MKLN1: variants seen among roughly 807,000 people sequenced by gnomAD.
MKLN1 encodes muskelin 1.
MKLN1 carries 18 observed loss-of-function variants against 99.0 expected under a neutral mutation model. The observed-to-expected ratio is 0.18, with a 90% CI of 0.13 to 0.27. MKLN1 has a LOEUF of 0.27. Ranked by LOEUF, MKLN1 falls within the 10% of genes least tolerant of loss-of-function variation. MKLN1 has a pLI of 1.00. For missense variants in MKLN1, 621 were observed against 875.9 expected, an observed-to-expected ratio of 0.71 and a Z score of 3.67; for synonymous variants, 288 against 293.2, an observed-to-expected ratio of 0.98 and a Z score of 0.18.
intron 1 of MKLN1, among the ~76,000 whole-genome samples, chr7:131,138,222 C>A (rs1159585849): frequency 2.0e-5 from 3 of 152,114 alleles, no homozygotes; most frequent in African/African-American, 7.2e-5. Context: ...TGAGCCACTG[C>A]GCCTGGCCAG....
At chr7:131,368,759 T>G (rs906877224) in intron 1 of MKLN1, among the ~76,000 whole-genome samples, 1 of 152,138 alleles carries the variant, frequency 6.6e-6, no homozygotes, top group African/African-American at 2.4e-5. Flanking sequence ...AGATTGCAAG[T>G]CAGTTTGCTA....
In MKLN1 at chr7:131,263,444, G is replaced by A. The variant is rs566928218; in HGVS notation, c.-179+60470G>A. ...GGAGGCTGAGGTGGGAAGACTGCTCGAGCCTGGGAGATTGAGGCTGCAGTG... is the reference window on the plus strand; with the variant it reads ...GGAGGCTGAGGTGGGAAGACTGCTCAAGCCTGGGAGATTGAGGCTGCAGTG... On this transcript the variant is annotated intron_variant, in intron 3 of 7. Coordinates refer to the MKLN1 transcript ENST00000416992. Among the ~76,000 whole-genome samples, 101 of 151,826 alleles carry A rather than the reference G, an allele frequency of 6.7e-4. 2 individuals are homozygous for A. In the South Asian group the frequency reaches 0.019, roughly 29 times the overall value.
At chr7:131,286,449 TC>T (rs1798133765) in intron 3 of MKLN1, among the ~76,000 whole-genome samples, 1 of 152,140 alleles carries the variant, frequency 6.6e-6, no homozygotes, top group African/African-American at 2.4e-5. Flanking sequence ...TGTTTTTTTT[TC>T]CTCCCCCAAG....
intron 3 of MKLN1, among the ~76,000 whole-genome samples, chr7:131,288,508 T>A (rs543489764): frequency 3.3e-5 from 5 of 152,226 alleles, no homozygotes; most frequent in African/African-American, 1.2e-4. Context: ...GTGATAGAGA[T>A]TCCAAGAAGC....
chr7:131,360,576 T>A (rs1466384907), intron 1 of MKLN1, among the ~76,000 whole-genome samples: 1 of 152,206 alleles, frequency 6.6e-6, no homozygotes, highest in Non-Finnish European at 1.5e-5. Context: ...TCAGAGTATT[T>A]CCTACTCTTC....
intron 3 of MKLN1, among the ~76,000 whole-genome samples, chr7:131,220,284 TTC>T (rs1396651177): frequency 6.6e-6 from 1 of 152,192 alleles, no homozygotes; most frequent in Non-Finnish European, 1.5e-5. Flanking sequence ...CTCAACAGAA[TTC>T]TCTTTCTCCC....
chr7:131,344,593 C>T lies in MKLN1; in HGVS notation c.98+16596C>T, dbSNP rs145811681. On this transcript the variant is annotated intron_variant, in intron 1 of 17. Transcript: ENST00000352689. ...AAAATAGTTTTAAAATACTCAGTTT[C>T]CTAAGCCTTACTGTTCTTGTGTATT... 4.0e-4 allele frequency among the ~76,000 whole-genome samples: 61 copies of T among 152,290 alleles called. No individual in the cohort carries two copies. The East Asian group carries it at 6.2e-3, about 15-fold the overall frequency.
chr7:131,242,821 ACAAT>A, intron 3 of MKLN1: 1 of 663,460 alleles, frequency 1.5e-6, no homozygotes, highest in Non-Finnish European at 2.9e-6. Context: ...GTTTATAACC[ACAAT>A]CAGCTAATGC....
intron 1 of MKLN1, among the ~76,000 whole-genome samples, chr7:131,370,754 G>C (rs753531681): frequency 6.6e-6 from 1 of 152,156 alleles, no homozygotes; most frequent in South Asian, 2.1e-4. Context: ...GGAGATAGCA[G>C]ATTGTCACAG....
At chr7:131,373,708 A>G (rs2116841937) in intron 1 of MKLN1, among the ~76,000 whole-genome samples, 1 of 152,332 alleles carries the variant, frequency 6.6e-6, no homozygotes, top group Admixed American at 6.5e-5. Context: ...TTCTTTACGC[A>G]GTTTTCCCTT....
intron 1 of MKLN1, among the ~76,000 whole-genome samples, chr7:131,355,628 C>CAATATATATATATATATATA (rs780680120): frequency 1.5e-5 from 2 of 136,906 alleles, no homozygotes; most frequent in Non-Finnish European, 3.1e-5. Context: ...TAACTTGATA[C>CAATATATATATATATATATA]TATATATATA....
intron 3 of MKLN1, among the ~76,000 whole-genome samples, chr7:131,228,073 G>T (rs896402490): frequency 6.6e-6 from 1 of 151,296 alleles, no homozygotes; most frequent in Non-Finnish European, 1.5e-5. Context: ...ACAATTTTTT[G>T]TTGTTGTTGA....
intron 3 of MKLN1, among the ~76,000 whole-genome samples, chr7:131,296,010 A>C (rs10270691): frequency 0.089 from 13,601 of 152,270 alleles, 733 homozygotes; most frequent in African/African-American, 0.15. Context: ...AAATTCAATA[A>C]AACTTAGTTT....
At position 131,318,063 on chromosome 7, in the gene MKLN1, T is replaced by TTTG. The variant is rs1298293138; in HGVS notation, c.-178-57360_-178-57359insTGT. ...TTAGACAGATCAACAAGACAGAACA[T>TTTG]TAACAAAGATATTCAGGACTTGTAC... On this transcript the variant is annotated intron_variant, in intron 3 of 7. Coordinates refer to the MKLN1 transcript ENST00000416992. Among the ~76,000 whole-genome samples, 9 of 152,212 alleles carry TTTG rather than the reference T, an allele frequency of 5.9e-5. 3 individuals carry two copies. Among genetic ancestry groups the TTTG allele is most frequent in the Admixed American group, 5.9e-4 (9 of 15,274 alleles).
intron 1 of MKLN1, among the ~76,000 whole-genome samples, chr7:131,361,835 C>T (rs1474613313): frequency 6.6e-6 from 1 of 151,518 alleles, no homozygotes; most frequent in Non-Finnish European, 1.5e-5. Context: ...TACATTGTTG[C>T]ACCACACATT....
At chr7:131,442,865 A>G (rs764983766) in intron 10 of MKLN1, among the ~76,000 whole-genome samples, 15 of 152,344 alleles carry the variant, frequency 9.8e-5, no homozygotes, top group Middle Eastern at 3.4e-3. Flanking sequence ...ACTTTTAAAC[A>G]TGAAGTGTAT....
chr7:131,447,673 A>C (rs1226169355), intron 12 of MKLN1, among the ~76,000 whole-genome samples: 1 of 152,210 alleles, frequency 6.6e-6, no homozygotes, highest in Non-Finnish European at 1.5e-5. Flanking sequence ...TCAGTGCTAG[A>C]CTACGGACAC....
intron 2 of MKLN1, among the ~76,000 whole-genome samples, chr7:131,172,576 A>G (rs1442041712): frequency 6.6e-6 from 1 of 152,142 alleles, no homozygotes; most frequent in African/African-American, 2.4e-5. Context: ...CGGCCTCCCA[A>G]AGTGCTAGGA....
At chr7:131,249,848 G>A (rs565012293) in intron 3 of MKLN1, among the ~76,000 whole-genome samples, 27 of 152,246 alleles carry the variant, frequency 1.8e-4, no homozygotes, top group African/African-American at 6.5e-4. Context: ...GGGGAGCATG[G>A]CTCAGATTAT....
Sources: gnomAD v4.1 joint callset for allele counts (sites outside exome capture counted in the v4.1 genomes callset) on GRCh38, gnomAD v4.1.1 for gene constraint, MANE v1.5 for transcripts, NCBI Gene and HGNC (gene_info 2026-07-23, HGNC 2026-07-21) for gene names.